COL11A2: variants seen among roughly 807,000 people sequenced by gnomAD.
The protein encoded by COL11A2 is collagen alpha-2(XI) chain.
A neutral mutation model predicts 273.4 loss-of-function variants in COL11A2; 116 were observed. The observed-to-expected ratio is 0.42, with a 90% CI of 0.36 to 0.49. COL11A2 has a LOEUF of 0.49. Among genes scored for constraint, COL11A2 ranks in the 20% least tolerant of loss-of-function variants. The pLI, the probability that COL11A2 is intolerant of heterozygous loss-of-function variation, is 0.00. For synonymous variants in COL11A2, 782 were observed against 864.2 expected, an observed-to-expected ratio of 0.90 and a Z score of 1.67; for missense variants, 1,866 against 2,309.0, an observed-to-expected ratio of 0.81 and a Z score of 3.93.
chr6:33,188,976 A>C lies in COL11A2; in HGVS notation c.443+2T>G. The C allele has an allele frequency of 6.2e-7, 1 of 1,614,184 alleles. No homozygotes were observed. The highest frequency in any genetic ancestry group is 8.5e-7 in the Non-Finnish European group (1 of 1,180,016). Reference sequence around the variant, plus strand: ...GCAGACCAGAGGAGCAAACAAACTTACTTGCCATCTGCTAGGCTGAGGCCT... The same window carrying C: ...GCAGACCAGAGGAGCAAACAAACTTCCTTGCCATCTGCTAGGCTGAGGCCT... On this transcript the variant is annotated splice_donor_variant, in intron 3 of 65. Coordinates refer to ENST00000341947, the MANE Select transcript of COL11A2 (RefSeq NM_080680.3). LOFTEE classifies it high-confidence loss of function.
In COL11A2 at chr6:33,170,387, A is replaced by C; in HGVS notation, c.3529-8T>G. On this transcript the variant is annotated splice_polypyrimidine_tract_variant and splice_region_variant and intron_variant, in intron 47 of 65. Coordinates refer to ENST00000341947, the MANE Select transcript of COL11A2 (RefSeq NM_080680.3). This position sits in a 1 kb window ranked among gnomAD's most constrained non-coding sequence, Gnocchi z 4.3. Reference sequence around the variant, plus strand: ...TGGGGGGCCAGGTGGTCCCTGGGGGAAACAGATACACCACAGATGAGGAAG... The same window carrying C: ...TGGGGGGCCAGGTGGTCCCTGGGGGCAACAGATACACCACAGATGAGGAAG... 1 of 1,612,390 alleles carries C rather than the reference A, an allele frequency of 6.2e-7. No homozygotes were observed. Among genetic ancestry groups the C allele is most frequent in the Non-Finnish European group, 8.5e-7 (1 of 1,179,316 alleles).
In COL11A2 at chr6:33,169,846, G is replaced by A. The variant is rs771644818; in HGVS notation, c.3675C>T (p.Gly1225=). The A allele has an allele frequency of 2.2e-5, 36 of 1,613,954 alleles. No homozygotes were observed. Among genetic ancestry groups the A allele is most frequent in the Admixed American group, 2.0e-4 (12 of 60,004 alleles). Reference sequence around the variant, plus strand: ...TGTCACTCACCTTGACACCTGGCTCGCCCTGGATCCCTGGAGATCCTGACT... The same window carrying A: ...TGTCACTCACCTTGACACCTGGCTCACCCTGGATCCCTGGAGATCCTGACT... ...PGESGSPGIQ[G]EPGVKGPRGE... The change falls in exon 50 of 66, where the codon GGC becomes GGT. Residue 1225 remains glycine (G), a synonymous_variant. Coordinates refer to ENST00000341947, the MANE Select transcript of COL11A2 (RefSeq NM_080680.3). This position sits in a 1 kb window ranked among gnomAD's most constrained non-coding sequence, Gnocchi z 5.5.
chr6:33,172,294 T>C lies in COL11A2; in HGVS notation c.2983A>G (p.Thr995Ala), dbSNP rs1554217436. The C allele has an allele frequency of 7.6e-6, 12 of 1,585,128 alleles. No homozygotes were observed. The highest frequency in any genetic ancestry group is 9.4e-6 in the Non-Finnish European group (11 of 1,166,294). Residue 995 changes from threonine (T) to alanine (A), a missense_variant, in exon 40 of 66, where the codon ACT (threonine) becomes GCT (alanine). Coordinates refer to ENST00000341947, the MANE Select transcript of COL11A2 (RefSeq NM_080680.3). ...GFPGERGLPG[T>A]AGGPGLKGNE... ...GGTCTGGGAGTCACACTCACAGCAG[T>C]GCCTGGGAGGCCTCTCTCTCCTGGG...
In COL11A2 at chr6:33,168,567, G is replaced by A. The variant is rs577724850; in HGVS notation, c.3912C>T (p.Ser1304=). ...GTCCATTCTCCCCGGTGGGACCAGG[G>A]GATCCCTAGGGAGAGAGGAATTGGG... ...GEDGEPGQPG[S]PGPTGENGPP... Residue 1304 remains serine (S), a synonymous_variant, in exon 54 of 66, where the codon TCC becomes TCT. Coordinates refer to ENST00000341947, the MANE Select transcript of COL11A2 (RefSeq NM_080680.3). 9.9e-6 allele frequency: 16 copies of A among 1,613,568 alleles called. No individual in the cohort carries two copies. The Admixed American group carries it at 1.3e-4, about 13-fold the overall frequency.
chr6:33,181,209 G>T, intron 8 of COL11A2, 39 bp from the exon 9 acceptor site: 2 of 1,605,072 alleles, frequency 1.2e-6, no homozygotes, highest in Non-Finnish European at 1.7e-6. Flanking sequence ...TGGGGCCCGT[G>T]AGCAGCCAGG....
At chr6:33,182,012 C>T (rs940837147) in intron 8 of COL11A2, among the ~76,000 whole-genome samples, 5 of 152,180 alleles carry the variant, frequency 3.3e-5, no homozygotes, top group East Asian at 1.9e-4. Context: ...AGGTGGCTTA[C>T]GCCCATAATC....
Position 33,176,384 on chromosome 6 carries a change from T to TA in COL11A2, c.2169+48dup. The TA allele has an allele frequency of 1.9e-6, 3 of 1,606,404 alleles. No homozygotes were observed. The highest frequency in any genetic ancestry group is 2.6e-6 in the Non-Finnish European group (3 of 1,176,060). On this transcript the variant is annotated intron_variant, in intron 27 of 65. Transcript: ENST00000341947. This position sits in a 1 kb window ranked among gnomAD's most constrained non-coding sequence, Gnocchi z 4.9. ...AGGACCAAGCTCCTAAGACCCCATA[T>TA]AGCTCCCCTGACCACAGCCCTTTGT...
In COL11A2 at chr6:33,180,775, G is replaced by A. The variant is rs116879480; in HGVS notation, c.1222-45C>T. 3,907 of 1,599,236 alleles carry A rather than the reference G, an allele frequency of 2.4e-3. 235 individuals carry two copies. In the East Asian group the frequency reaches 0.03, roughly 12 times the overall value. ...GGGTCAGGTGTGGGCATTCAGACAG[G>A]TGTGGACACTCAGCCTGTGGCTGAG... On this transcript the variant is annotated intron_variant, in intron 10 of 65. Coordinates refer to ENST00000341947, the MANE Select transcript of COL11A2 (RefSeq NM_080680.3).
chr6:33,166,430 G>T lies in COL11A2; in HGVS notation c.4392+83C>A. On this transcript the variant is annotated intron_variant, in intron 60 of 65. Coordinates refer to ENST00000341947, the MANE Select transcript of COL11A2 (RefSeq NM_080680.3). The surrounding 1 kb of genome is among the most constrained non-coding windows in gnomAD (Gnocchi z 4.8). Reference sequence around the variant, plus strand: ...GAGGACTATGCTTGTTAGGCTGGTAGTTCCATGGAAGTCGTTGGGAGGCTG... The same window carrying T: ...GAGGACTATGCTTGTTAGGCTGGTATTTCCATGGAAGTCGTTGGGAGGCTG... 3 of 1,504,980 alleles carry T rather than the reference G, an allele frequency of 2.0e-6. No homozygotes were observed. Among genetic ancestry groups the T allele is most frequent in the Non-Finnish European group, 2.7e-6 (3 of 1,096,750 alleles). The allele number at this position is 1,504,980 out of a possible 1,614,324, so 93.2% of individuals were successfully genotyped here. A position where few individuals can be genotyped will look rare whatever the true frequency, so the allele number is the denominator to read the frequency against.
chr6:33,192,379 C>A lies in COL11A2; in HGVS notation c.-139G>T. 1 of 840,872 alleles carries A rather than the reference C, an allele frequency of 1.2e-6. No homozygotes were observed. The highest frequency in any genetic ancestry group is 1.9e-6 in the Non-Finnish European group (1 of 517,050). 52.1% of individuals were successfully genotyped at this position (840,872 alleles called of 1,614,324 possible). Reference sequence around the variant, plus strand: ...CAGGGAGGTCAGAGGCTGCGGGCAGCGACAGCTGTCAGCGGCCCAGCTCCA... The same window carrying A: ...CAGGGAGGTCAGAGGCTGCGGGCAGAGACAGCTGTCAGCGGCCCAGCTCCA... On this transcript the variant is annotated 5_prime_UTR_variant, in exon 1 of 66. Coordinates refer to ENST00000341947, the MANE Select transcript of COL11A2 (RefSeq NM_080680.3).
Position 33,173,898 on chromosome 6 carries a change from C to A in COL11A2, c.2558G>T (p.Gly853Val). The change falls in exon 34 of 66, where the codon GGT (glycine) becomes GTT (valine). Residue 853 changes from glycine (G) to valine (V), a missense_variant. Physicochemically the swap from Gly to Val is moderately radical, Grantham distance 109. Transcript: ENST00000341947. The surrounding 1 kb of genome is among the most constrained non-coding windows in gnomAD (Gnocchi z 6.3). ...CTTAGCTCCAGACTTCCCAGTGGCA[C>A]CTCGGGGTCCCCGCTGACCCCGTGG... ...TGPRGQRGPR[G>V]ATGKSGAKGT... 2.5e-6 allele frequency: 4 copies of A among 1,614,058 alleles called. No individual in the cohort carries two copies. The highest frequency in any genetic ancestry group is 3.4e-6 in the Non-Finnish European group (4 of 1,179,972).
At chr6:33,168,081 C>T (rs915504702) in intron 54 of COL11A2, among the ~76,000 whole-genome samples, 1 of 152,116 alleles carries the variant, frequency 6.6e-6, no homozygotes, top group East Asian at 1.9e-4. Flanking sequence ...CCACACCCTA[C>T]CTGGTGGCCC....
rs1773026834 is a variant in COL11A2, at chr6:33,190,860, T to A, written c.82+1299A>T. On this transcript the variant is annotated intron_variant, in intron 1 of 65. Coordinates refer to ENST00000341947, the MANE Select transcript of COL11A2 (RefSeq NM_080680.3). The surrounding 1 kb of genome is among the most constrained non-coding windows in gnomAD (Gnocchi z 4.5). Reference sequence around the variant, plus strand: ...TCCACCAAATCCCAAGGGAGTACAATTCGATCATATGGACAACCTACCCAC... The same window carrying A: ...TCCACCAAATCCCAAGGGAGTACAAATCGATCATATGGACAACCTACCCAC... Among the ~76,000 whole-genome samples, 2 of 151,952 alleles carry A rather than the reference T, an allele frequency of 1.3e-5. No individual in the cohort carries two copies. The highest frequency in any genetic ancestry group is 4.8e-5 in the African/African-American group (2 of 41,412).
chr6:33,166,703 C>T lies in COL11A2; in HGVS notation c.4338+17G>A. ...CTCTCAACCCCCACAACTTCCGGGA[C>T]CATGCCCTCTACTCACCATCTCACC... On this transcript the variant is annotated intron_variant, in intron 59 of 65. Coordinates refer to ENST00000341947, the MANE Select transcript of COL11A2 (RefSeq NM_080680.3). The surrounding 1 kb of genome is among the most constrained non-coding windows in gnomAD (Gnocchi z 4.8). The T allele has an allele frequency of 1.2e-6, 2 of 1,613,800 alleles. No homozygotes were observed. The highest frequency in any genetic ancestry group is 1.7e-6 in the Non-Finnish European group (2 of 1,179,888).
Position 33,175,712 on chromosome 6 carries a change from G to T in COL11A2, c.2269-31C>A, listed in dbSNP as rs1248862227. 4 of 1,592,888 alleles carry T rather than the reference G, an allele frequency of 2.5e-6. No individual in the cohort carries two copies. The African/African-American group carries it at 5.4e-5, about 21-fold the overall frequency. On this transcript the variant is annotated intron_variant, in intron 29 of 65. Coordinates refer to ENST00000341947, the MANE Select transcript of COL11A2 (RefSeq NM_080680.3). ...TGAGAGGGAAGGACAGGTGAGTGCT[G>T]GGGACTGGAGGTGGGCTCTGGGCCC...
intron 8 of COL11A2, among the ~76,000 whole-genome samples, chr6:33,183,027 T>C (rs1050963922): frequency 2.0e-5 from 3 of 151,818 alleles, no homozygotes; most frequent in Admixed American, 6.6e-5. Flanking sequence ...GGAAAGGCAG[T>C]AGAAGCTCAA....
At chr6:33,185,150 G>GA in intron 6 of COL11A2, 96 bp from the exon 7 acceptor site, 2 of 901,008 alleles carry the variant, frequency 2.2e-6, no homozygotes, top group Non-Finnish European at 3.6e-6. Context: ...TCCCCCGAGG[G>GA]CAGGGTCTGT....
intron 42 of COL11A2, 46 bp from the exon 43 acceptor site, chr6:33,171,620 C>A (rs755608532): frequency 3.6e-5 from 58 of 1,602,520 alleles, no homozygotes; most frequent in Non-Finnish European, 4.8e-5. Context: ...TGACCCTCAC[C>A]CTCAAACACC....
At position 33,175,770 on chromosome 6, in the gene COL11A2, G is replaced by A. The variant is rs2150566304; in HGVS notation, c.2269-89C>T. The stretch of plus-strand genomic sequence containing the variant: ...AAATGGGCAACAGTGAGGCTGAGGA[G>A]GGCTAGAGGGGTCCCAGGAGCCACT... On this transcript the variant is annotated intron_variant, in intron 29 of 65. Coordinates refer to ENST00000341947, the MANE Select transcript of COL11A2 (RefSeq NM_080680.3). 7.7e-6 allele frequency: 10 copies of A among 1,303,220 alleles called. No individual in the cohort carries two copies. In the South Asian group the frequency reaches 9.5e-5, roughly 12 times the overall value. The allele number at this position is 1,303,220 out of a possible 1,614,324, so 80.7% of individuals were successfully genotyped here. A position where few individuals can be genotyped will look rare whatever the true frequency, so the allele number is the denominator to read the frequency against.
Sources: allele counts gnomAD v4.1 joint callset (sites outside exome capture counted in the v4.1 genomes callset), GRCh38; gene constraint gnomAD v4.1.1; non-coding constraint Gnocchi (gnomAD v3.1); transcripts MANE v1.5; gene names NCBI Gene and HGNC (gene_info 2026-07-23, HGNC 2026-07-21).